Variants in ZMAT4 observed in about 807,000 individuals in gnomAD.
ZMAT4 encodes zinc finger matrin-type protein 4.
A neutral mutation model predicts 28.7 loss-of-function variants in ZMAT4; 17 were observed. The observed-to-expected ratio is 0.59, with a 90% confidence interval of 0.41 to 0.89. ZMAT4 has a LOEUF of 0.89. ZMAT4 is among the 40% of genes least tolerant of loss of function. The probability of loss-of-function intolerance (pLI) is 0.00; values close to 1 mark genes in which losing one functional copy is unlikely to be tolerated. For missense variants in ZMAT4, 240 were observed against 283.8 expected (o/e 0.85, Z 1.11); for synonymous variants, 117 against 109.2 (o/e 1.07, Z -0.44).
chr8:40,700,611 G>A (rs1810099574), intron 3 of ZMAT4, among the ~76,000 whole-genome samples: 2 of 151,934 alleles, frequency 1.3e-5, no homozygotes, highest in Non-Finnish European at 2.9e-5. Flanking sequence ...TGTAGAGAGA[G>A]AATGTCTACA....
chr8:40,571,103 G>A (rs1166807328), intron 6 of ZMAT4, among the ~76,000 whole-genome samples: 1 of 152,044 alleles, frequency 6.6e-6, no homozygotes, highest in Admixed American at 6.6e-5. Context: ...ATGATTATAG[G>A]TCCCCCAAGA....
chr8:40,560,226 C>A (rs992128898), intron 6 of ZMAT4, among the ~76,000 whole-genome samples: 12 of 148,376 alleles, frequency 8.1e-5, no homozygotes, highest in African/African-American at 3.0e-4. Context: ...TAAAATTTGA[C>A]CAAGGGAAAT....
chr8:40,551,710 G>A (rs189796013), intron 6 of ZMAT4, among the ~76,000 whole-genome samples: 1 of 152,094 alleles, frequency 6.6e-6, no homozygotes, highest in Non-Finnish European at 1.5e-5. Flanking sequence ...AGATGGGCTC[G>A]CTGCTTACCT....
chr8:40,897,268 G>C (rs1479759546), intron 1 of ZMAT4, among the ~76,000 whole-genome samples: 2 of 152,134 alleles, frequency 1.3e-5, no homozygotes, highest in Non-Finnish European at 2.9e-5. Flanking sequence ...AAGGTAATAC[G>C]AAGGGGACAG....
chr8:40,804,290 A>G (rs181822963), intron 2 of ZMAT4, among the ~76,000 whole-genome samples: 2 of 152,296 alleles, frequency 1.3e-5, no homozygotes, highest in East Asian at 3.9e-4. Flanking sequence ...ATGCACCTCT[A>G]TGGTGGGTGA....
chr8:40,713,548 A>G (rs1196895799), intron 3 of ZMAT4, among the ~76,000 whole-genome samples: 2 of 152,204 alleles, frequency 1.3e-5, no homozygotes, highest in African/African-American at 4.8e-5. Context: ...GCAAAGCGTT[A>G]AAAGAAAGCT....
chr8:40,888,388 C>T (rs1248050094), intron 1 of ZMAT4: 4 of 152,322 alleles, frequency 2.6e-5, no homozygotes, highest in Admixed American at 2.6e-4. Flanking sequence ...TCCCCACCCA[C>T]CTCTGAGGCT....
intron 1 of ZMAT4, among the ~76,000 whole-genome samples, chr8:40,872,174 C>T (rs1469200218): frequency 3.9e-5 from 6 of 152,148 alleles, no homozygotes; most frequent in South Asian, 4.1e-4. Context: ...TCACATCCAC[C>T]GTATTCACAA....
intron 2 of ZMAT4, among the ~76,000 whole-genome samples, chr8:40,796,929 T>A (rs999375974): frequency 6.6e-6 from 1 of 152,158 alleles, no homozygotes; most frequent in Admixed American, 6.5e-5. Context: ...TCCAGCCCCA[T>A]AACTGGCTAA....
chr8:40,891,187 G>GGAGAGGAGAA (rs1192870723), intron 1 of ZMAT4, among the ~76,000 whole-genome samples: 7 of 36,482 alleles, frequency 1.9e-4, no homozygotes, highest in Non-Finnish European at 4.8e-4. Flanking sequence ...AACAGAGTGG[G>GGAGAGGAGAA]GAGAGGAGAG....
intron 1 of ZMAT4, among the ~76,000 whole-genome samples, chr8:40,826,741 C>T (rs1015381638): frequency 6.6e-6 from 1 of 152,156 alleles, no homozygotes; most frequent in Non-Finnish European, 1.5e-5. Flanking sequence ...AATGATCCCA[C>T]AAAGTAAATA....
At chr8:40,551,472 C>T (rs2722461) in intron 6 of ZMAT4, among the ~76,000 whole-genome samples, 125,145 of 152,176 alleles carry the variant, frequency 0.82, 52,142 homozygotes, top group East Asian at 1. Context: ...TGCTTGACTA[C>T]TGTAGTGGTT....
chr8:40,705,323 C>A (rs1226149758), intron 3 of ZMAT4, among the ~76,000 whole-genome samples: 1 of 152,126 alleles, frequency 6.6e-6, no homozygotes, highest in Non-Finnish European at 1.5e-5. Context: ...TAAGAAAATG[C>A]TGCAAATGAA....
Position 40,579,029 on chromosome 8 carries a change from T to C in ZMAT4, c.674+2136A>G, listed in dbSNP as rs114730747. Among the ~76,000 whole-genome samples, 295 of 152,328 alleles carry C rather than the reference T, an allele frequency of 1.9e-3. 1 individual carries two copies. The highest frequency in any genetic ancestry group is 6.7e-3 in the African/African-American group (278 of 41,572). On this transcript the variant is annotated intron_variant, in intron 6 of 6. Coordinates refer to ENST00000297737, the MANE Select transcript of ZMAT4 (RefSeq NM_024645.3). Reference sequence around the variant, plus strand: ...CAAGTCACTTTACCTCTCTAAGCATTAGTTTTCTCATGTAAGATAACAGGT... The same window carrying C: ...CAAGTCACTTTACCTCTCTAAGCATCAGTTTTCTCATGTAAGATAACAGGT...
intron 2 of ZMAT4, among the ~76,000 whole-genome samples, chr8:40,793,784 G>A (rs925849272): frequency 5.9e-5 from 9 of 152,178 alleles, no homozygotes; most frequent in Non-Finnish European, 1.2e-4. Context: ...CCCCTGAGGT[G>A]TGACATCTGT....
rs991561906 is a variant in ZMAT4, at chr8:40,786,807, C to G, written c.103-19077G>C. The G allele has an allele frequency of 3.4e-6, 4 of 1,181,320 alleles. No individual in the cohort carries two copies. The African/African-American group carries it at 6.3e-5, about 19-fold the overall frequency. 73.2% of individuals were successfully genotyped at this position (1,181,320 alleles called of 1,614,324 possible). A position where few individuals can be genotyped will look rare whatever the true frequency, so the allele number is the denominator to read the frequency against. ...CCTAGGATAGATGGGAACAAACAGA[C>G]TGTGCTTACAGAAGAAAATTGGGAT... On this transcript the variant is annotated intron_variant, in intron 2 of 6. Coordinates refer to ENST00000297737, the MANE Select transcript of ZMAT4 (RefSeq NM_024645.3).
intron 5 of ZMAT4, among the ~76,000 whole-genome samples, chr8:40,615,959 AT>A (rs1234105425): frequency 5.9e-5 from 9 of 152,204 alleles, no homozygotes; most frequent in African/African-American, 1.9e-4. Context: ...AACCTACAAA[AT>A]GGGAGAAAAT....
At chr8:40,789,910 G>A (rs1814250962) in intron 2 of ZMAT4, among the ~76,000 whole-genome samples, 1 of 152,072 alleles carries the variant, frequency 6.6e-6, no homozygotes, top group Admixed American at 6.6e-5. Flanking sequence ...TTCTCATATT[G>A]CTCCCACTTC....
chr8:40,558,843 C>A (rs1563339672), intron 6 of ZMAT4, among the ~76,000 whole-genome samples: 1 of 152,002 alleles, frequency 6.6e-6, no homozygotes, highest in African/African-American at 2.4e-5. Context: ...TAGGCCCACG[C>A]CCTTTTGTGT....
Sources: allele counts gnomAD v4.1 joint callset (sites outside exome capture counted in the v4.1 genomes callset), GRCh38; gene constraint gnomAD v4.1.1; transcripts MANE v1.5; gene names NCBI Gene and HGNC (gene_info 2026-07-23, HGNC 2026-07-21).